The following CLCN4 variants were observed in gnomAD, a reference collection of about 807,000 sequenced individuals.
CLCN4 encodes the protein Cl-/H+ antiporter 4, also known as H(+)/Cl(-) exchange transporter 4.
A neutral mutation model predicts 41.7 loss-of-function variants in CLCN4; 1 was observed. That is an observed-to-expected ratio of 0.02 (90% CI 0.01 to 0.11). CLCN4 has a LOEUF of 0.11. CLCN4 is among the 10% of genes least tolerant of loss of function. CLCN4 has a pLI of 1.00. For missense variants in CLCN4, 287 were observed against 661.0 expected (o/e 0.43, Z 6.20); for synonymous variants, 277 against 285.8 (o/e 0.97, Z 0.31).
Position 10,212,512 on chromosome X carries a change from G to A in CLCN4, c.1435G>A (p.Ala479Thr), listed in dbSNP as rs200861909. 5 of 1,212,094 alleles carry A rather than the reference G, an allele frequency of 4.1e-6. No homozygotes were observed. The highest frequency in any genetic ancestry group is 5.6e-6 in the Non-Finnish European group (5 of 895,538). Residue 479 changes from alanine (A) to threonine (T), a missense_variant, in exon 10 of 13, where the codon GCG becomes ACG. By Grantham distance (58) the Ala-to-Thr change is moderately conservative. Coordinates refer to ENST00000380833, the MANE Select transcript of CLCN4 (RefSeq NM_001830.4). ...FIPSMAVGAI[A>T]GRMVGIGVEQ... ...CCCCAGCATGGCTGTGGGCGCGATA[G>A]CGGGCAGGATGGTGGGAATTGGCGT...
chrX:10,207,980 A>G lies in CLCN4; in HGVS notation c.844-65A>G, dbSNP rs1332251910. The G allele has an allele frequency of 5.2e-6, 5 of 970,564 alleles. No individual in the cohort carries two copies. The African/African-American group carries it at 9.7e-5, about 19-fold the overall frequency. The allele number at this position is 970,564 out of a possible 1,213,427, so 80.0% of individuals were successfully genotyped here. ...TTAGAGTGTGACTTTCCTGCCAACCAGAGGGCTTGGCTCTGAGCAGCTCTT... is the reference window on the plus strand; with the variant it reads ...TTAGAGTGTGACTTTCCTGCCAACCGGAGGGCTTGGCTCTGAGCAGCTCTT... On this transcript the variant is annotated intron_variant, in intron 8 of 12. Coordinates refer to ENST00000380833, the MANE Select transcript of CLCN4 (RefSeq NM_001830.4).
At chrX:10,216,807 G>T (rs1292759942) in intron 11 of CLCN4, among the ~76,000 whole-genome samples, 2 of 100,161 alleles carry the variant, frequency 2.0e-5, no homozygotes, top group Non-Finnish European at 4.0e-5. Context: ...AGAGGTTTCT[G>T]CCCGGGAGGG....
chrX:10,229,539 C>T (rs1363480804), intron 12 of CLCN4, among the ~76,000 whole-genome samples: 1 of 108,153 alleles, frequency 9.2e-6, no homozygotes, highest in African/African-American at 3.4e-5. Context: ...TGCTATCCCT[C>T]CCCCGTCCCC....
intron 2 of CLCN4, among the ~76,000 whole-genome samples, chrX:10,183,808 C>T (rs1037712849): frequency 8.9e-6 from 1 of 112,488 alleles, no homozygotes; most frequent in African/African-American, 3.2e-5. Flanking sequence ...AAGACACATT[C>T]AACTGTGCTA....
rs1355419088 is a variant in CLCN4, at chrX:10,235,524, C to G, written c.*1940C>G. On this transcript the variant is annotated 3_prime_UTR_variant, in exon 13 of 13. Coordinates refer to ENST00000380833, the MANE Select transcript of CLCN4 (RefSeq NM_001830.4). The stretch of plus-strand genomic sequence containing the variant: ...TCCGGTTTTCATTCTTGCTAAACCC[C>G]TGTGAATGTTCTTCTAACCTTCCTG... 3.6e-5 allele frequency: 4 copies of G among 111,704 alleles called. No individual in the cohort carries two copies. The East Asian group carries it at 1.1e-3, about 31-fold the overall frequency. 9.2% of individuals were successfully genotyped at this position (111,704 alleles called of 1,213,427 possible).
intron 2 of CLCN4, among the ~76,000 whole-genome samples, chrX:10,159,937 G>A (rs191089070): frequency 4.2e-4 from 47 of 110,737 alleles, no homozygotes; most frequent in African/African-American, 1.4e-3. Flanking sequence ...CGACTATCTC[G>A]TCCTCAAAGT....
chrX:10,212,441 G>A (rs1259673468), intron 9 of CLCN4, 26 bp from the exon 10 acceptor site: 9 of 1,199,381 alleles, frequency 7.5e-6, no homozygotes, highest in Non-Finnish European at 1.0e-5. Flanking sequence ...TTTCCCTCAT[G>A]TTGCTTTTCT....
intron 2 of CLCN4, among the ~76,000 whole-genome samples, chrX:10,175,784 C>A (rs1244778139): frequency 9.0e-6 from 1 of 110,801 alleles, no homozygotes; most frequent in African/African-American, 3.3e-5. Flanking sequence ...AGCCGAGGCA[C>A]CCGGAATCTT....
chrX:10,160,541 A>T (rs1043011647), intron 2 of CLCN4, among the ~76,000 whole-genome samples: 1 of 111,187 alleles, frequency 9.0e-6, no homozygotes, highest in South Asian at 3.8e-4. Flanking sequence ...CCTGGGTTAG[A>T]CCTAACAGCT....
intron 2 of CLCN4, among the ~76,000 whole-genome samples, chrX:10,171,234 A>G (rs1923380167): frequency 1.8e-5 from 2 of 112,168 alleles, no homozygotes; most frequent in South Asian, 7.3e-4. Flanking sequence ...CAACTAGTAC[A>G]GCTTACTACT....
intron 6 of CLCN4, among the ~76,000 whole-genome samples, chrX:10,199,037 T>C (rs1024220678): frequency 1.8e-5 from 2 of 112,102 alleles, no homozygotes; most frequent in African/African-American, 6.5e-5. Context: ...AGAGGCAAAA[T>C]TCAACATGGT....
chrX:10,169,506 A>G (rs552110398), intron 2 of CLCN4, among the ~76,000 whole-genome samples: 1 of 112,139 alleles, frequency 8.9e-6, no homozygotes, highest in East Asian at 2.8e-4. Flanking sequence ...CAGAAAAACA[A>G]ACAAACAAAC....
chrX:10,214,303 C>T (rs1435000749), intron 11 of CLCN4, among the ~76,000 whole-genome samples: 8 of 112,473 alleles, frequency 7.1e-5, no homozygotes, highest in Non-Finnish European at 1.5e-4. Flanking sequence ...CCATTAACGC[C>T]GATATTGCTG....
intron 6 of CLCN4, among the ~76,000 whole-genome samples, chrX:10,204,174 T>G (rs1297728934): frequency 8.9e-6 from 1 of 111,978 alleles, no homozygotes; most frequent in Non-Finnish European, 1.9e-5. Flanking sequence ...ATCACTGTGA[T>G]AGGCACCCAG....
At chrX:10,175,785 C>A (rs1205771058) in intron 2 of CLCN4, among the ~76,000 whole-genome samples, 2 of 110,465 alleles carry the variant, frequency 1.8e-5, no homozygotes, top group African/African-American at 6.6e-5. Context: ...GCCGAGGCAC[C>A]CGGAATCTTG....
At chrX:10,214,879 G>T (rs1157111823) in intron 11 of CLCN4, among the ~76,000 whole-genome samples, 2 of 111,368 alleles carry the variant, frequency 1.8e-5, no homozygotes, top group African/African-American at 6.5e-5. Flanking sequence ...AGACAGAGGG[G>T]CCTAGGGCTG....
chrX:10,209,967 C>A (rs1046683671), intron 9 of CLCN4, among the ~76,000 whole-genome samples: 1 of 110,683 alleles, frequency 9.0e-6, no homozygotes, highest in African/African-American at 3.3e-5. Context: ...ATTTTCATCC[C>A]CCAAACGGAA....
Position 10,175,357 on chromosome X carries a change from T to TTGGACCAGCAGGAGC in CLCN4, c.-11-9662_-11-9648dup, listed in dbSNP as rs202033002. ...GGGAAGCATTCCTCATACAGGCTTG[T>TTGGACCAGCAGGAGC]TGGACCAGCAGGAGCTGAACCAGCA... On this transcript the variant is annotated intron_variant, in intron 2 of 12. Coordinates refer to ENST00000380833, the MANE Select transcript of CLCN4 (RefSeq NM_001830.4). Among the ~76,000 whole-genome samples the TTGGACCAGCAGGAGC allele has an allele frequency of 3.2e-3, 355 of 111,384 alleles. 1 individual carries two copies. The highest frequency in any genetic ancestry group is 0.011 in the African/African-American group (329 of 30,575).
At chrX:10,194,739 A>G (rs778163716) in intron 4 of CLCN4, among the ~76,000 whole-genome samples, 172 bp from the exon 5 acceptor site, 2 of 112,373 alleles carry the variant, frequency 1.8e-5, no homozygotes, top group East Asian at 5.6e-4. Context: ...CAAGTGCTGC[A>G]AGTTTAATGA....
Sources: allele counts gnomAD v4.1 joint callset (sites outside exome capture counted in the v4.1 genomes callset), GRCh38; gene constraint gnomAD v4.1.1; transcripts MANE v1.5; gene names NCBI Gene and HGNC (gene_info 2026-07-23, HGNC 2026-07-21).